The following COL5A2 variants were observed in gnomAD, a reference collection of about 807,000 sequenced individuals.
COL5A2 encodes the protein collagen alpha-2(V) chain.
COL5A2 carries 23 observed loss-of-function variants against 208.2 expected under a neutral mutation model. That is an observed-to-expected ratio of 0.11 (90% CI 0.08 to 0.16). The LOEUF is 0.16. COL5A2 is among the 10% of genes least tolerant of loss of function. The pLI, the probability that COL5A2 is intolerant of heterozygous loss-of-function variation, is 1.00. For missense variants in COL5A2, 1,590 were observed against 1,956.4 expected (o/e 0.81, Z 3.53); for synonymous variants, 625 against 628.5 (o/e 0.99, Z 0.08).
chr2:189,211,415 A>G (rs1689211478), intron 1 of COL5A2, among the ~76,000 whole-genome samples: 2 of 152,218 alleles, frequency 1.3e-5, no homozygotes, highest in Admixed American at 6.5e-5. Flanking sequence ...TTAAAACTAT[A>G]TTGTGCCAAA....
chr2:189,247,810 C>T, the COL5A2 span, among the ~76,000 whole-genome samples: 1 of 152,062 alleles, frequency 6.6e-6, no homozygotes, highest in Non-Finnish European at 1.5e-5. Context: ...TAATTCCTGA[C>T]CTCAAGTGAT....
the COL5A2 span, among the ~76,000 whole-genome samples, chr2:189,348,072 A>G: frequency 2.0e-5 from 3 of 152,210 alleles, no homozygotes; most frequent in East Asian, 5.8e-4. Flanking sequence ...TCCAACAACC[A>G]AAGGAGGGTA....
chr2:189,144,155 C>G (rs1027173669), intron 1 of COL5A2, among the ~76,000 whole-genome samples: 3 of 152,026 alleles, frequency 2.0e-5, no homozygotes, highest in Admixed American at 2.0e-4. Context: ...TGATGCAAGA[C>G]TCTTGGGCCT....
chr2:189,439,954 A>T, the COL5A2 span, among the ~76,000 whole-genome samples: 1 of 152,382 alleles, frequency 6.6e-6, no homozygotes, highest in South Asian at 2.1e-4. Flanking sequence ...AAGAGACTAA[A>T]CAAAAAGAGG....
chr2:189,201,862 G>A (rs1245640494), intron 1 of COL5A2, among the ~76,000 whole-genome samples: 1 of 151,588 alleles, frequency 6.6e-6, no homozygotes, highest in African/African-American at 2.4e-5. Context: ...GACATCTGAG[G>A]TACAAAAGGA....
Position 189,032,193 on chromosome 2 carries a change from A to G in COL5A2, c.*1877T>C, listed in dbSNP as rs989516460. The G allele has an allele frequency of 2.6e-5, 4 of 152,164 alleles. No individual in the cohort carries two copies. Among genetic ancestry groups the G allele is most frequent in the African/African-American group, 9.7e-5 (4 of 41,450 alleles). The allele number at this position is 152,164 out of a possible 1,614,324, so 9.4% of individuals were successfully genotyped here. On this transcript the variant is annotated 3_prime_UTR_variant, in exon 54 of 54. Transcript: ENST00000374866. ...ATGAAACTGAAAACAATTAGGCTAA[A>G]TTCATATGTGATACACTTTGAGACA...
intron 41 of COL5A2, among the ~76,000 whole-genome samples, 180 bp from the exon 42 acceptor site, chr2:189,051,661 A>C (rs1007084104): frequency 2.6e-5 from 4 of 152,364 alleles, no homozygotes; most frequent in Non-Finnish European, 4.4e-5. Context: ...ACACAGCTGT[A>C]GATTCATTCC....
At chr2:189,308,784 A>C in the COL5A2 span, among the ~76,000 whole-genome samples, 1 of 152,160 alleles carries the variant, frequency 6.6e-6, no homozygotes, top group East Asian at 1.9e-4. Flanking sequence ...AGAGGGCTTC[A>C]AGTTGTCCTA....
At chr2:189,053,535 T>A in intron 37 of COL5A2, 58 bp from the exon 38 acceptor site, 2 of 1,388,158 alleles carry the variant, frequency 1.4e-6, no homozygotes, top group Non-Finnish European at 2.0e-6. Context: ...AGGAACAGTA[T>A]TTTAAAATAT....
intron 53 of COL5A2, 61 bp from the exon 54 acceptor site, chr2:189,034,277 AG>A: frequency 6.4e-7 from 1 of 1,570,230 alleles, no homozygotes; most frequent in Non-Finnish European, 8.7e-7. Flanking sequence ...TATGTTAGAC[AG>A]CAACCTTCCC....
chr2:189,275,074 A>G, the COL5A2 span, among the ~76,000 whole-genome samples: 3 of 152,148 alleles, frequency 2.0e-5, no homozygotes, highest in Non-Finnish European at 4.4e-5. Context: ...CGAGGATTTT[A>G]GTTCCTTTGG....
the COL5A2 span, among the ~76,000 whole-genome samples, chr2:189,238,085 T>C: frequency 6.6e-6 from 1 of 150,766 alleles, no homozygotes; most frequent in Non-Finnish European, 1.5e-5. Flanking sequence ...AATAAATATG[T>C]ATAAAACAAA....
the COL5A2 span, among the ~76,000 whole-genome samples, chr2:189,288,814 T>C: frequency 6.6e-6 from 1 of 151,910 alleles, no homozygotes; most frequent in African/African-American, 2.4e-5. Flanking sequence ...CTCAACAAAA[T>C]GCTAACAAAC....
At chr2:189,046,877 A>G (rs1486187765) in intron 45 of COL5A2, among the ~76,000 whole-genome samples, 4 of 152,024 alleles carry the variant, frequency 2.6e-5, no homozygotes, top group African/African-American at 4.8e-5. Context: ...TAATCCCAGC[A>G]CTTTGGGAGG....
In COL5A2 at chr2:189,119,643, G is replaced by A. The variant is rs190708906; in HGVS notation, c.98-9194C>T. ...GACTACGAATAAAATATCTATAAAGGAAAACAATACTCTTGTCATTTTCTT... is the reference window on the plus strand; with the variant it reads ...GACTACGAATAAAATATCTATAAAGAAAAACAATACTCTTGTCATTTTCTT... On this transcript the variant is annotated intron_variant, in intron 1 of 53. Transcript: ENST00000374866. 4.8e-3 allele frequency among the ~76,000 whole-genome samples: 726 copies of A among 151,832 alleles called. 4 individuals carry two copies. The Middle Eastern group carries it at 0.052, about 11-fold the overall frequency.
intron 1 of COL5A2, among the ~76,000 whole-genome samples, chr2:189,194,230 G>A (rs1288212471): frequency 1.3e-5 from 2 of 152,020 alleles, no homozygotes; most frequent in African/African-American, 2.4e-5. Context: ...TGGTCCAAGC[G>A]AGTCCATTTC....
At chr2:189,173,599 T>C (rs1688616641) in intron 1 of COL5A2, among the ~76,000 whole-genome samples, 1 of 152,142 alleles carries the variant, frequency 6.6e-6, no homozygotes, top group South Asian at 2.1e-4. Flanking sequence ...TATATGGAGA[T>C]AAATTTAAGA....
At chr2:189,075,501 T>G in intron 16 of COL5A2, 64 bp from the exon 17 acceptor site, 1 of 1,353,588 alleles carries the variant, frequency 7.4e-7, no homozygotes, top group Non-Finnish European at 1.0e-6. Context: ...TTTCTCTTAT[T>G]TGCCTTATAA....
At chr2:189,052,835 G>A (rs749677025) in intron 39 of COL5A2, 33 bp from the exon 40 acceptor site, 1 of 1,613,108 alleles carries the variant, frequency 6.2e-7, no homozygotes, top group Non-Finnish European at 8.5e-7. Flanking sequence ...GCACTATAGT[G>A]AAGCAAAAGA....
Sources: allele counts gnomAD v4.1 joint callset (sites outside exome capture counted in the v4.1 genomes callset), GRCh38; gene constraint gnomAD v4.1.1; transcripts MANE v1.5; gene names NCBI Gene and HGNC (gene_info 2026-07-23, HGNC 2026-07-21).